The following CRYBG3 variants were observed in gnomAD, a reference collection of about 807,000 sequenced individuals.
CRYBG3 encodes very large A-kinase anchor protein.
Under a neutral mutation model 244.2 loss-of-function variants are expected in CRYBG3, and 127 were observed. That is an observed-to-expected ratio of 0.52 (90% CI 0.45 to 0.60). The LOEUF is 0.60. Ranked by LOEUF, CRYBG3 falls within the 20% of genes least tolerant of loss-of-function variation. The pLI, the probability that CRYBG3 is intolerant of heterozygous loss-of-function variation, is 0.00. For synonymous variants in CRYBG3, 1,132 were observed against 1,195.8 expected (o/e 0.95, Z 1.10); for missense variants, 3,325 against 3,442.5 (o/e 0.97, Z 0.85).
At chr3:97,882,120 A>T (rs1301552019) in intron 7 of CRYBG3, among the ~76,000 whole-genome samples, 1 of 151,988 alleles carries the variant, frequency 6.6e-6, no homozygotes, top group Non-Finnish European at 1.5e-5. Flanking sequence ...GAGGCAGGAG[A>T]ATCACTTGAA....
In CRYBG3 at chr3:97,874,425, T is replaced by G; in HGVS notation, c.3231T>G (p.His1077Gln). ...PEEVSMIVNS[H>Q]KPQNNLDSIQ... ...AAGTTAGCATGATAGTAAATTCACA[T>G]AAGCCCCAAAATAATTTGGATTCTA... The change falls in exon 4 of 22, where the codon CAT becomes CAG. Residue 1077 changes from histidine (H) to glutamine (Q), a missense_variant. Physicochemically the swap from His to Gln is conservative, Grantham distance 24. Around this residue, in one of 4 missense-constraint regions of CRYBG3, gnomAD observed 1,526 missense variants for 1,443.2 expected, o/e 1.06. Transcript: ENST00000389622. The G allele has an allele frequency of 6.5e-7, 1 of 1,535,250 alleles. No individual in the cohort carries two copies. The highest frequency in any genetic ancestry group is 8.7e-7 in the Non-Finnish European group (1 of 1,146,600).
At position 97,864,584 on chromosome 3, in the gene CRYBG3, T is replaced by A. The variant is rs1464837308; in HGVS notation, c.584T>A (p.Leu195His). 6.5e-7 allele frequency: 1 copy of A among 1,535,766 alleles called. No individual in the cohort carries two copies. The highest frequency in any genetic ancestry group is 1.2e-5 in the South Asian group (1 of 84,050). ...TEEQDSNSSELSDAFSLDTTQ... is the reference protein window; with the variant it reads ...TEEQDSNSSEHSDAFSLDTTQ... ...GAACAAGACTCTAACTCATCCGAAC[T>A]CTCAGATGCTTTTTCTTTGGATACA... Residue 195 changes from leucine (L) to histidine (H), a missense_variant, in exon 3 of 22, where the codon CTC becomes CAC. Physicochemically the swap from Leu to His is moderately conservative, Grantham distance 99. Coordinates refer to ENST00000389622, the MANE Select transcript of CRYBG3 (RefSeq NM_153605.4).
rs779841043 is a variant in CRYBG3 at position 97,899,270 on chromosome 3, G to A, written c.7971+7G>A. On this transcript the variant is annotated splice_region_variant and intron_variant, in intron 14 of 21. Transcript: ENST00000389622. ...GATACGGCCAATCCAACTGGTGAGT[G>A]AAGTATGAACATAGCCAGTGCTGCA... 2 of 1,610,326 alleles carry A rather than the reference G, an allele frequency of 1.2e-6. No homozygotes were observed. Among genetic ancestry groups the A allele is most frequent in the East Asian group, 4.5e-5 (2 of 44,844 alleles).
intron 2 of CRYBG3, among the ~76,000 whole-genome samples, chr3:97,846,660 C>A (rs549951725): frequency 1.3e-5 from 2 of 152,258 alleles, no homozygotes; most frequent in South Asian, 4.1e-4. Context: ...GATTTTCAAG[C>A]AAACTCTTAG....
At chr3:97,936,254 G>T (rs748274387) in intron 18 of CRYBG3, among the ~76,000 whole-genome samples, 2 of 152,020 alleles carry the variant, frequency 1.3e-5, no homozygotes, top group Non-Finnish European at 2.9e-5. Flanking sequence ...CAAGGGTTTC[G>T]GGGAGGATTC....
chr3:97,940,198 G>T (rs929256298), intron 19 of CRYBG3, among the ~76,000 whole-genome samples: 4 of 151,916 alleles, frequency 2.6e-5, no homozygotes, highest in Non-Finnish European at 5.9e-5. Flanking sequence ...GGCTTCTGTT[G>T]TGCTTCCATT....
rs1352668733 is a variant in CRYBG3, at chr3:97,943,467, C to T, written c.*153C>T. On this transcript the variant is annotated 3_prime_UTR_variant, in exon 22 of 22. Coordinates refer to ENST00000389622, the MANE Select transcript of CRYBG3 (RefSeq NM_153605.4). Reference sequence around the variant, plus strand: ...TTCTCCAGCCTCTGAGACTATCGCTCTTAACCATGGAAAAGCTCAAAATAT... The same window carrying T: ...TTCTCCAGCCTCTGAGACTATCGCTTTTAACCATGGAAAAGCTCAAAATAT... The T allele has an allele frequency of 1.5e-5, 9 of 595,106 alleles. No individual in the cohort carries two copies. Among genetic ancestry groups the T allele is most frequent in the African/African-American group, 1.4e-4 (7 of 50,734 alleles). The allele number at this position is 595,106 out of a possible 1,614,324, so 36.9% of individuals were successfully genotyped here.
chr3:97,828,464 T>C (rs190791801), intron 1 of CRYBG3, among the ~76,000 whole-genome samples: 4 of 150,724 alleles, frequency 2.7e-5, no homozygotes, highest in Admixed American at 2.6e-4. Flanking sequence ...ATGATGTATC[T>C]ACCAAAAAGA....
Position 97,943,239 on chromosome 3 carries a change from T to TGACAA in CRYBG3, c.8842_8846dup (p.His2950ArgfsTer4). ...TTTCTATTTTAGGAGGAAATTATTG[T>TGACAA]GACAAGACTCATGTAATTGTAAATC... is the stretch of plus-strand genomic sequence containing the variant. On this transcript the variant is annotated frameshift_variant, in exon 22 of 22. Transcript: ENST00000389622. LOFTEE classifies it high-confidence loss of function. 1 of 1,573,974 alleles carries TGACAA rather than the reference T, an allele frequency of 6.4e-7. No individual in the cohort carries two copies. Among genetic ancestry groups the TGACAA allele is most frequent in the Non-Finnish European group, 8.7e-7 (1 of 1,148,606 alleles).
In CRYBG3 at chr3:97,840,946, C is replaced by T. The variant is rs904054894; in HGVS notation, c.150-2249C>T. Reference sequence around the variant, plus strand: ...GCTTAAATAGACCAAAATCAATTCACGTTTACTTTAAAAAAAACTGAATTG... The same window carrying T: ...GCTTAAATAGACCAAAATCAATTCATGTTTACTTTAAAAAAAACTGAATTG... On this transcript the variant is annotated intron_variant, in intron 1 of 21. Coordinates refer to ENST00000389622, the MANE Select transcript of CRYBG3 (RefSeq NM_153605.4). 9.9e-5 allele frequency among the ~76,000 whole-genome samples: 15 copies of T among 151,470 alleles called. 1 individual carries two copies. The highest frequency in any genetic ancestry group is 3.2e-4 in the African/African-American group (13 of 41,244).
At chr3:97,840,275 T>C (rs1467025942) in intron 1 of CRYBG3, among the ~76,000 whole-genome samples, 1 of 152,112 alleles carries the variant, frequency 6.6e-6, no homozygotes, top group East Asian at 1.9e-4. Context: ...GAATGTTTCA[T>C]GTAGAAAAGT....
chr3:97,851,120 G>A (rs953765068), intron 2 of CRYBG3, among the ~76,000 whole-genome samples: 33 of 138,762 alleles, frequency 2.4e-4, no homozygotes, highest in Non-Finnish European at 4.2e-4. Flanking sequence ...GTGACAGAGC[G>A]AGACTGTCTC....
At position 97,874,965 on chromosome 3, in the gene CRYBG3, A is replaced by G; in HGVS notation, c.3771A>G (p.Gln1257=). ...CAGAAGTGACACTAACAGAAATACA[A>G]CAGACAGAGGGTTTGGAAGAGCAAG... The part of the protein sequence containing the change: ...NPSEVTLTEI[Q]QTEGLEEQGM... Residue 1257 remains glutamine, a synonymous_variant, in exon 4 of 22, where the codon CAA becomes CAG. Coordinates refer to ENST00000389622, the MANE Select transcript of CRYBG3 (RefSeq NM_153605.4). 6.5e-7 allele frequency: 1 copy of G among 1,536,004 alleles called. No homozygotes were observed. The highest frequency in any genetic ancestry group is 8.7e-7 in the Non-Finnish European group (1 of 1,146,848).
In CRYBG3 at chr3:97,822,114, C is replaced by A; in HGVS notation, c.-93C>A. The A allele has an allele frequency of 8.1e-7, 1 of 1,227,630 alleles. No individual in the cohort carries two copies. Among genetic ancestry groups the A allele is most frequent in the Non-Finnish European group, 1.1e-6 (1 of 934,344 alleles). The allele number at this position is 1,227,630 out of a possible 1,614,324, so 76.0% of individuals were successfully genotyped here. On this transcript the variant is annotated 5_prime_UTR_variant, in exon 1 of 22. Coordinates refer to ENST00000389622, the MANE Select transcript of CRYBG3 (RefSeq NM_153605.4). ...CTCGCGTCGAGTCGGTCTGCCCTAG[C>A]CGCATCCCGCGGCGCCCGGTCGGGC...
At chr3:97,862,671 A>G (rs1005861242) in intron 2 of CRYBG3, among the ~76,000 whole-genome samples, 2 of 152,180 alleles carry the variant, frequency 1.3e-5, no homozygotes, top group African/African-American at 4.8e-5. Context: ...GGTGACTTAT[A>G]GTGCCAGCTC....
chr3:97,869,701 T>A (rs1253948348), intron 3 of CRYBG3, among the ~76,000 whole-genome samples: 3 of 152,148 alleles, frequency 2.0e-5, no homozygotes, highest in Non-Finnish European at 4.4e-5. Flanking sequence ...CTAAAACCAT[T>A]TTTGGAACAC....
chr3:97,832,778 A>C (rs1392268268), intron 1 of CRYBG3, among the ~76,000 whole-genome samples: 1 of 152,210 alleles, frequency 6.6e-6, no homozygotes, highest in Non-Finnish European at 1.5e-5. Context: ...CAGAGTGAAC[A>C]GGCAACCTAC....
At position 97,904,889 on chromosome 3, in the gene CRYBG3, T is replaced by TC. The variant is rs1362170586; in HGVS notation, c.8004+4410dup. Among the ~76,000 whole-genome samples, 126 of 66,428 alleles carry TC rather than the reference T, an allele frequency of 1.9e-3. 1 individual carries two copies. The highest frequency in any genetic ancestry group is 7.2e-3 in the African/African-American group (120 of 16,690). 43.6% of individuals were successfully genotyped at this position (66,428 alleles called of 152,430 possible). On this transcript the variant is annotated intron_variant, in intron 15 of 21. Coordinates refer to ENST00000389622, the MANE Select transcript of CRYBG3 (RefSeq NM_153605.4). The stretch of plus-strand genomic sequence containing the variant: ...ATCTCCCAATGCTATCCCTCCACCC[T>TC]CCCCCCACCCCATGACAGTCCCCAG...
intron 15 of CRYBG3, 41 bp from the exon 16 acceptor site, chr3:97,912,126 C>A: frequency 9.3e-7 from 1 of 1,078,276 alleles, no homozygotes; most frequent in Non-Finnish European, 1.4e-6. Context: ...CATCTAAGAC[C>A]ATTTTTTTTC....
Sources: gnomAD v4.1 joint callset for allele counts (sites outside exome capture counted in the v4.1 genomes callset) on GRCh38, gnomAD v4.1.1 for gene constraint, gnomAD v4.1.1 regional missense constraint, MANE v1.5 for transcripts, NCBI Gene and HGNC (gene_info 2026-07-23, HGNC 2026-07-21) for gene names.